Variants in ZNF678 observed in about 807,000 individuals in gnomAD.
ZNF678 encodes hypothetical protein MGC42493.
In ZNF678, 5 loss-of-function variants were observed where a neutral mutation model predicts 3.0. The observed-to-expected ratio is 1.69, with a 90% CI of 0.88 to 3.56. The LOEUF is 3.56. Ranked by LOEUF, ZNF678 falls within the 30% of genes most tolerant of loss-of-function variation. ZNF678 has a pLI of 0.00. For synonymous variants in ZNF678, 218 were observed against 199.6 expected, an observed-to-expected ratio of 1.09 and a Z score of -0.78; for missense variants, 593 against 605.0, an observed-to-expected ratio of 0.98 and a Z score of 0.21.
At chr1:227,568,628 TGAGTTCTGTGAG>T in intron 1 of ZNF678, among the ~76,000 whole-genome samples, 1 of 152,346 alleles carries the variant, frequency 6.6e-6, no homozygotes, top group Non-Finnish European at 1.5e-5. Context: ...CATGTTTTGC[TGAGTTCTGTGAG>T]GAGTTCTGTC....
At chr1:227,666,254 C>G (rs1432050623), downstream of ZNF678, among the ~76,000 whole-genome samples, 2 of 152,076 alleles carry the variant, frequency 1.3e-5, no homozygotes, top group African/African-American at 2.4e-5. Context: ...GATTATTAAG[C>G]TAAAGAGGGT....
At chr1:227,586,059 G>A (rs1213191363) in intron 1 of ZNF678, among the ~76,000 whole-genome samples, 2 of 151,940 alleles carry the variant, frequency 1.3e-5, no homozygotes, top group Non-Finnish European at 2.9e-5. Context: ...AAGATGATTT[G>A]CGCTACAGGT....
At chr1:227,614,950 C>T (rs1658107662) in intron 1 of ZNF678, among the ~76,000 whole-genome samples, 1 of 152,154 alleles carries the variant, frequency 6.6e-6, no homozygotes, top group Non-Finnish European at 1.5e-5. Context: ...AAGTTAACAG[C>T]GTTTAATTGA....
chr1:227,574,919 CTT>C, intron 1 of ZNF678, among the ~76,000 whole-genome samples: 1 of 151,426 alleles, frequency 6.6e-6, no homozygotes, highest in East Asian at 1.9e-4. Flanking sequence ...AATAGGGAAT[CTT>C]TTCCCCATTG....
At chr1:227,576,911 T>G (rs1657000903) in intron 1 of ZNF678, among the ~76,000 whole-genome samples, 1 of 152,184 alleles carries the variant, frequency 6.6e-6, no homozygotes, top group Admixed American at 6.5e-5. Context: ...TAGCTGTGTC[T>G]TAGAGATTCT....
At chr1:227,632,738 A>G (rs1558149503) in intron 1 of ZNF678, among the ~76,000 whole-genome samples, 1 of 152,322 alleles carries the variant, frequency 6.6e-6, no homozygotes, top group East Asian at 1.9e-4. Context: ...AGGACAGAAT[A>G]GCAAGCGAAA....
intron 1 of ZNF678, among the ~76,000 whole-genome samples, chr1:227,574,752 G>C (rs952104055): frequency 2.6e-4 from 40 of 152,164 alleles, no homozygotes; most frequent in African/African-American, 9.7e-4. Context: ...TGTCCTGAAT[G>C]ATACTGCCTA....
Position 227,632,172 on chromosome 1 carries a change from T to C in ZNF678, c.-163-14372T>C, listed in dbSNP as rs939719212. Reference sequence around the variant, plus strand: ...CTATGTCAAGAGCTGTGTACCTAAATTGGGAGGGACACCAGGGGAAAGACT... The same window carrying C: ...CTATGTCAAGAGCTGTGTACCTAAACTGGGAGGGACACCAGGGGAAAGACT... On this transcript the variant is annotated intron_variant, in intron 1 of 3. Coordinates refer to ENST00000343776, the MANE Select transcript of ZNF678 (RefSeq NM_001367909.1). 2.6e-5 allele frequency among the ~76,000 whole-genome samples: 4 copies of C among 152,080 alleles called. No individual in the cohort carries two copies. The East Asian group carries it at 5.8e-4, about 22-fold the overall frequency.
chr1:227,662,874 A>G (rs1443503101), downstream of ZNF678, among the ~76,000 whole-genome samples: 1 of 152,186 alleles, frequency 6.6e-6, no homozygotes, highest in Non-Finnish European at 1.5e-5. Context: ...GGTGATTACT[A>G]TATATTATGG....
rs75114799 is a variant in ZNF678, at chr1:227,593,855, TCCCC to T, written c.-164+30140_-164+30143del. Among the ~76,000 whole-genome samples, 53 of 63,806 alleles carry T rather than the reference TCCCC, an allele frequency of 8.3e-4. 1 individual carries two copies. The highest frequency in any genetic ancestry group is 7.7e-4 in the Admixed American group (5 of 6,458). 41.9% of individuals were successfully genotyped at this position (63,806 alleles called of 152,430 possible). A position where few individuals can be genotyped will look rare whatever the true frequency, so the allele number is the denominator to read the frequency against. Reference sequence around the variant, plus strand: ...TCTTGACTCTGGTGTTATGAGTCCATCCCCCCCCCCCCTTTTTTTTTTTTTTGAT... The same window carrying T: ...TCTTGACTCTGGTGTTATGAGTCCATCCCCCCCCTTTTTTTTTTTTTTGAT... On this transcript the variant is annotated intron_variant, in intron 1 of 3. Transcript: ENST00000343776.
intron 1 of ZNF678, among the ~76,000 whole-genome samples, chr1:227,577,948 C>T (rs2102723657): frequency 6.6e-6 from 1 of 152,276 alleles, no homozygotes; most frequent in South Asian, 2.1e-4. Flanking sequence ...TCAATTCCCT[C>T]AGCATTTGCT....
In ZNF678 at chr1:227,656,953, C is replaced by T. The variant is rs1423299863; in HGVS notation, c.*1125C>T. On this transcript the variant is annotated 3_prime_UTR_variant, in exon 4 of 4. Transcript: ENST00000343776. ...ACACTACTGGGTAACAGTGAAAGGACACCTCTAGTAATCTCTTTTCCCAGT... is the reference window on the plus strand; with the variant it reads ...ACACTACTGGGTAACAGTGAAAGGATACCTCTAGTAATCTCTTTTCCCAGT... The T allele has an allele frequency of 6.6e-6, 1 of 151,930 alleles. No individual in the cohort carries two copies. The highest frequency in any genetic ancestry group is 1.5e-5 in the Non-Finnish European group (1 of 67,890). The allele number at this position is 151,930 out of a possible 1,614,324, so 9.4% of individuals were successfully genotyped here.
At position 227,656,382 on chromosome 1, in the gene ZNF678, A is replaced by G. The variant is rs1659250073; in HGVS notation, c.*554A>G. On this transcript the variant is annotated 3_prime_UTR_variant, in exon 4 of 4. Transcript: ENST00000343776. The stretch of plus-strand genomic sequence containing the variant: ...TGATGTCTTTTTGAAGCACAGTTAC[A>G]TTCATGTTATACTTTTTTGCATTAA... The G allele has an allele frequency of 6.6e-6, 1 of 151,886 alleles. No individual in the cohort carries two copies. Among genetic ancestry groups the G allele is most frequent in the Admixed American group, 6.6e-5 (1 of 15,214 alleles). 9.4% of individuals were successfully genotyped at this position (151,886 alleles called of 1,614,324 possible). A position where few individuals can be genotyped will look rare whatever the true frequency, so the allele number is the denominator to read the frequency against.
At chr1:227,672,836 C>G (rs747662591) in intron 5 of ZNF678, among the ~76,000 whole-genome samples, 1 of 152,164 alleles carries the variant, frequency 6.6e-6, no homozygotes, top group Non-Finnish European at 1.5e-5. Flanking sequence ...GGACAAAAAC[C>G]CCTGCCCAAA....
chr1:227,613,607 A>T (rs1048472568), intron 1 of ZNF678, among the ~76,000 whole-genome samples: 1 of 152,206 alleles, frequency 6.6e-6, no homozygotes, highest in African/African-American at 2.4e-5. Context: ...CAATAAGTTA[A>T]TGTTGGCTGA....
intron 1 of ZNF678, among the ~76,000 whole-genome samples, chr1:227,597,474 T>C (rs1657623370): frequency 6.6e-6 from 1 of 152,218 alleles, no homozygotes; most frequent in Non-Finnish European, 1.5e-5. Flanking sequence ...AAAACATGCG[T>C]TTTAGAATCT....
intron 1 of ZNF678, among the ~76,000 whole-genome samples, chr1:227,576,392 G>A (rs2102722012): frequency 6.6e-6 from 1 of 152,166 alleles, no homozygotes; most frequent in South Asian, 2.1e-4. Flanking sequence ...GCTGCTTTTT[G>A]GTTGGGAAGA....
chr1:227,647,891 G>A (rs1480836963), intron 2 of ZNF678, among the ~76,000 whole-genome samples: 2 of 152,168 alleles, frequency 1.3e-5, no homozygotes, highest in Admixed American at 6.5e-5. Context: ...AAATTTGCAA[G>A]AGTAGTGGTA....
At chr1:227,648,257 C>T (rs531518346) in intron 2 of ZNF678, among the ~76,000 whole-genome samples, 5 of 152,182 alleles carry the variant, frequency 3.3e-5, no homozygotes, top group African/African-American at 1.2e-4. Flanking sequence ...TTTTAAATAA[C>T]TGTATTTTAA....
Sources: gnomAD v4.1 joint callset for allele counts (sites outside exome capture counted in the v4.1 genomes callset) on GRCh38, gnomAD v4.1.1 for gene constraint, MANE v1.5 for transcripts, NCBI Gene and HGNC (gene_info 2026-07-23, HGNC 2026-07-21) for gene names.